The following NRG3 variants were observed in gnomAD, a reference collection of about 807,000 sequenced individuals.
The protein encoded by NRG3 is pro-neuregulin-3, membrane-bound isoform.
Under a neutral mutation model 66.9 loss-of-function variants are expected in NRG3, and 31 were observed. That is an observed-to-expected ratio of 0.46 (90% CI 0.35 to 0.63). The LOEUF (loss-of-function observed/expected upper bound fraction) is 0.63, where lower values mean the gene tolerates loss of function less well. NRG3 is among the 20% of genes least tolerant of loss of function. The probability of loss-of-function intolerance (pLI) is 0.00; values close to 1 mark genes in which losing one functional copy is unlikely to be tolerated. For synonymous variants in NRG3, 393 were observed against 359.4 expected (o/e 1.09, Z -1.06); for missense variants, 910 against 878.9 (o/e 1.04, Z -0.45).
intron 1 of NRG3, among the ~76,000 whole-genome samples, chr10:82,350,395 A>G (rs2135502685): frequency 6.6e-6 from 1 of 152,332 alleles, no homozygotes; most frequent in Non-Finnish European, 1.5e-5. Context: ...CTGACTTGCT[A>G]GGTCCCTAAG....
chr10:82,552,773 G>T (rs73311963), intron 2 of NRG3, among the ~76,000 whole-genome samples: 9 of 152,054 alleles, frequency 5.9e-5, no homozygotes, highest in Non-Finnish European at 7.4e-5. Context: ...CTACATTTAT[G>T]CCCATTTTAC....
At chr10:82,373,287 A>G (rs982221663) in intron 2 of NRG3, among the ~76,000 whole-genome samples, 4 of 152,264 alleles carry the variant, frequency 2.6e-5, no homozygotes, top group Non-Finnish European at 5.9e-5. Context: ...AACAAATCCA[A>G]AATACAGTTA....
intron 1 of NRG3, among the ~76,000 whole-genome samples, chr10:82,080,785 A>G (rs1161819040): frequency 6.6e-6 from 1 of 152,208 alleles, no homozygotes; most frequent in Non-Finnish European, 1.5e-5. Context: ...TTAACCATTC[A>G]CGAGAGGCAT....
chr10:82,542,568 CTG>C (rs1164373121), intron 2 of NRG3, among the ~76,000 whole-genome samples: 6 of 152,194 alleles, frequency 3.9e-5, no homozygotes, highest in Non-Finnish European at 1.5e-5. Flanking sequence ...AAGTGACTAA[CTG>C]TACTGTAAGA....
At chr10:82,327,452 T>A (rs1318789218) in intron 1 of NRG3, among the ~76,000 whole-genome samples, 3 of 152,202 alleles carry the variant, frequency 2.0e-5, no homozygotes, top group Non-Finnish European at 2.9e-5. Context: ...TCTTGCTTTA[T>A]CTATCTATCT....
At chr10:82,537,549 C>T (rs1033362355) in intron 2 of NRG3, among the ~76,000 whole-genome samples, 1 of 152,130 alleles carries the variant, frequency 6.6e-6, no homozygotes, top group African/African-American at 2.4e-5. Flanking sequence ...AATGACTTTA[C>T]ACCTAAGGGT....
At chr10:82,925,291 G>A (rs971141636) in intron 4 of NRG3, among the ~76,000 whole-genome samples, 3 of 152,198 alleles carry the variant, frequency 2.0e-5, no homozygotes, top group African/African-American at 7.2e-5. Flanking sequence ...AATGACATGT[G>A]GTGGTTGAAA....
intron 1 of NRG3, among the ~76,000 whole-genome samples, chr10:82,186,151 C>T (rs1228783099): frequency 2.6e-5 from 4 of 152,156 alleles, no homozygotes; most frequent in Middle Eastern, 3.4e-3. Context: ...TTTACAGAAG[C>T]ATTCAGAACT....
chr10:81,995,407 T>C (rs539314581), intron 1 of NRG3, among the ~76,000 whole-genome samples: 5 of 152,326 alleles, frequency 3.3e-5, no homozygotes, highest in African/African-American at 1.2e-4. Flanking sequence ...GTTTCATGCA[T>C]GTTGTGGCCG....
At chr10:82,830,744 C>T (rs1307467489) in intron 3 of NRG3, among the ~76,000 whole-genome samples, 4 of 152,146 alleles carry the variant, frequency 2.6e-5, no homozygotes, top group African/African-American at 9.6e-5. Flanking sequence ...TGTGTTGCTG[C>T]AACTCCTACC....
chr10:82,596,243 TG>T (rs1284164031), intron 2 of NRG3, among the ~76,000 whole-genome samples: 2 of 152,186 alleles, frequency 1.3e-5, no homozygotes, highest in Admixed American at 6.5e-5. Flanking sequence ...TGATTCCTGT[TG>T]TTCCACTTTG....
At chr10:82,655,928 CAT>C (rs1012932934) in intron 2 of NRG3, among the ~76,000 whole-genome samples, 2 of 152,172 alleles carry the variant, frequency 1.3e-5, no homozygotes, top group Non-Finnish European at 2.9e-5. Flanking sequence ...AATAAACACA[CAT>C]ATGACCTTGT....
chr10:82,780,820 C>A (rs1220653845), intron 3 of NRG3, among the ~76,000 whole-genome samples: 1 of 152,120 alleles, frequency 6.6e-6, no homozygotes, highest in East Asian at 1.9e-4. Flanking sequence ...TAGCTAGGCT[C>A]TGGAAGAGCA....
At chr10:82,454,547 A>G (rs1272497883) in intron 2 of NRG3, among the ~76,000 whole-genome samples, 1 of 152,246 alleles carries the variant, frequency 6.6e-6, no homozygotes, top group Non-Finnish European at 1.5e-5. Context: ...TTAAGCTAGT[A>G]TTTACAATGA....
At chr10:82,485,782 A>G (rs1441249556) in intron 2 of NRG3, among the ~76,000 whole-genome samples, 1 of 71,980 alleles carries the variant, frequency 1.4e-5, no homozygotes, top group Non-Finnish European at 3.0e-5. Flanking sequence ...CCACAAAAGT[A>G]CAGGCAGCAA....
intron 2 of NRG3, among the ~76,000 whole-genome samples, chr10:82,431,651 G>C (rs2089813391): frequency 6.6e-6 from 1 of 152,040 alleles, no homozygotes; most frequent in South Asian, 2.1e-4. Context: ...AATCAAGTTA[G>C]ATTTATAAAA....
At position 82,836,495 on chromosome 10, in the gene NRG3, G is replaced by A. The variant is rs373901199; in HGVS notation, c.1028-28916G>A. Among the ~76,000 whole-genome samples the A allele has an allele frequency of 2.2e-4, 34 of 152,146 alleles. 1 individual carries two copies. Among genetic ancestry groups the A allele is most frequent in the East Asian group, 1.4e-3 (7 of 5,174 alleles). On this transcript the variant is annotated intron_variant, in intron 3 of 8. Coordinates refer to ENST00000372141, the MANE Select transcript of NRG3 (RefSeq NM_001010848.4). ...CCCCCCATGTATAAATTTTCAACTCGGCTGTCCTTTGTGATAACACTTGGC... is the reference window on the plus strand; with the variant it reads ...CCCCCCATGTATAAATTTTCAACTCAGCTGTCCTTTGTGATAACACTTGGC...
intron 2 of NRG3, among the ~76,000 whole-genome samples, chr10:82,703,232 G>T (rs1025538659): frequency 6.6e-6 from 1 of 151,938 alleles, no homozygotes; most frequent in Middle Eastern, 3.2e-3. Flanking sequence ...ATTTTTAGGG[G>T]GTTCTATGCT....
chr10:82,217,549 G>C (rs1034820246), intron 1 of NRG3, among the ~76,000 whole-genome samples: 1 of 152,194 alleles, frequency 6.6e-6, no homozygotes, highest in Non-Finnish European at 1.5e-5. Flanking sequence ...TCCTGAATCA[G>C]TGCCTAGCTT....
Sources: gnomAD v4.1 joint callset for allele counts (sites outside exome capture counted in the v4.1 genomes callset) on GRCh38, gnomAD v4.1.1 for gene constraint, MANE v1.5 for transcripts, NCBI Gene and HGNC (gene_info 2026-07-23, HGNC 2026-07-21) for gene names.